POLA1: variants seen among roughly 807,000 people sequenced by gnomAD.
POLA1 encodes the protein DNA polymerase alpha catalytic subunit.
POLA1 carries 15 observed loss-of-function variants against 124.0 expected under a neutral mutation model. That is an observed-to-expected ratio of 0.12 (90% CI 0.08 to 0.19). The LOEUF (loss-of-function observed/expected upper bound fraction) is 0.19. Among genes scored for constraint, POLA1 ranks in the 10% least tolerant of loss-of-function variants. The pLI is 1.00. For missense variants in POLA1, 886 were observed against 1,103.4 expected (o/e 0.80, Z 2.79); for synonymous variants, 408 against 389.4 (o/e 1.05, Z -0.56).
rs187760518 is a variant in POLA1, at chrX:24,840,093, C to T, written c.3737-1559C>T. On this transcript the variant is annotated intron_variant, in intron 32 of 36. Coordinates refer to ENST00000379068, the MANE Select transcript of POLA1 (RefSeq NM_001330360.2). Reference sequence around the variant, plus strand: ...GCCCATGTTAACATAATTTATGTCACTAATGAAGAACAGCTTTTCAAATTG... The same window carrying T: ...GCCCATGTTAACATAATTTATGTCATTAATGAAGAACAGCTTTTCAAATTG... Among the ~76,000 whole-genome samples the T allele has an allele frequency of 2.6e-3, 287 of 112,343 alleles. 1 individual carries two copies. Among genetic ancestry groups the T allele is most frequent in the Middle Eastern group, 0.019 (4 of 216 alleles).
intron 15 of POLA1, among the ~76,000 whole-genome samples, chrX:24,729,436 G>A (rs746869668): frequency 2.7e-5 from 3 of 111,733 alleles, no homozygotes; most frequent in Non-Finnish European, 5.6e-5. Flanking sequence ...CATTTTTGCC[G>A]GAATTAGTTA....
At chrX:24,856,372 AGTTT>A (rs1164927014) in intron 34 of POLA1, among the ~76,000 whole-genome samples, 1 of 111,992 alleles carries the variant, frequency 8.9e-6, no homozygotes, top group Non-Finnish European at 1.9e-5. Context: ...TGGATCTGTC[AGTTT>A]GTTTGATCCA....
intron 2 of POLA1, among the ~76,000 whole-genome samples, chrX:24,702,935 A>G (rs1309042786): frequency 8.9e-6 from 1 of 112,468 alleles, no homozygotes; most frequent in South Asian, 3.7e-4. Context: ...TCCCCAAAGC[A>G]GCTAATGAAG....
chrX:24,932,365 G>A (rs1489167494), intron 36 of POLA1, among the ~76,000 whole-genome samples: 2 of 112,393 alleles, frequency 1.8e-5, no homozygotes, highest in Admixed American at 9.4e-5. Flanking sequence ...TTGGAGGCAT[G>A]TAGAGGAGTG....
chrX:24,934,154 A>T (rs1003602639), intron 36 of POLA1, among the ~76,000 whole-genome samples: 3 of 112,387 alleles, frequency 2.7e-5, no homozygotes, highest in African/African-American at 9.7e-5. Flanking sequence ...GTAAGTGAAC[A>T]GTTCAGGGGA....
chrX:24,944,849 T>A (rs2047943360), intron 36 of POLA1, among the ~76,000 whole-genome samples: 1 of 112,428 alleles, frequency 8.9e-6, no homozygotes, highest in Admixed American at 9.4e-5. Context: ...GTTTGTTGTG[T>A]TCAGGAGTTT....
At position 24,888,141 on chromosome X, in the gene POLA1, T is replaced by A. The variant is rs748743230; in HGVS notation, c.4164+19T>A. 2 of 1,008,623 alleles carry A rather than the reference T, an allele frequency of 2.0e-6. No homozygotes were observed. The highest frequency in any genetic ancestry group is 2.8e-6 in the Non-Finnish European group (2 of 711,069). 83.1% of individuals were successfully genotyped at this position (1,008,623 alleles called of 1,213,427 possible). Reference sequence around the variant, plus strand: ...ACCAGAGGTAACAGTCTCATAATGCTAAAGAACCATGTAGAAGAGGGTAGA... The same window carrying A: ...ACCAGAGGTAACAGTCTCATAATGCAAAAGAACCATGTAGAAGAGGGTAGA... On this transcript the variant is annotated intron_variant, in intron 35 of 36. Transcript: ENST00000379068.
At chrX:24,945,091 G>GA (rs2047945396) in intron 36 of POLA1, among the ~76,000 whole-genome samples, 1 of 111,513 alleles carries the variant, frequency 9.0e-6, no homozygotes, top group Admixed American at 9.5e-5. Context: ...TATAAAACAG[G>GA]AAAAAAATAG....
chrX:24,826,821 TACTC>T (rs2046181401), intron 32 of POLA1, among the ~76,000 whole-genome samples: 1 of 111,814 alleles, frequency 8.9e-6, no homozygotes, highest in Admixed American at 9.5e-5. Context: ...TCATAGTTGA[TACTC>T]ACTGAATACT....
At chrX:24,815,136 C>T in intron 30 of POLA1, 25 bp downstream of exon 30, 1 of 1,179,590 alleles carries the variant, frequency 8.5e-7, no homozygotes, top group South Asian at 1.9e-5. Context: ...TATTGCTGAG[C>T]CCAGCTGCTG....
intron 35 of POLA1, among the ~76,000 whole-genome samples, chrX:24,895,131 A>G (rs779898094): frequency 8.9e-6 from 1 of 111,928 alleles, no homozygotes; most frequent in South Asian, 3.8e-4. Flanking sequence ...GGACTTGAAC[A>G]TATCTTTTTA....
intron 1 of POLA1, among the ~76,000 whole-genome samples, chrX:24,697,576 G>GAA (rs1415321135): frequency 5.4e-5 from 6 of 111,918 alleles, no homozygotes; most frequent in Admixed American, 9.5e-5. Context: ...TAGAAAGCTA[G>GAA]AAAAAAATAA....
Position 24,812,879 on chromosome X carries a change from A to G in POLA1, c.3296+16A>G. On this transcript the variant is annotated intron_variant, in intron 29 of 36. Coordinates refer to ENST00000379068, the MANE Select transcript of POLA1 (RefSeq NM_001330360.2). ...ACACTGGAAAGTGAGTTCAGCTTTCAGTTTTGCTTTTCTTGTTTGTCTTTT... is the reference window on the plus strand; with the variant it reads ...ACACTGGAAAGTGAGTTCAGCTTTCGGTTTTGCTTTTCTTGTTTGTCTTTT... 9.2e-7 allele frequency: 1 copy of G among 1,088,243 alleles called. No individual in the cohort carries two copies. Among genetic ancestry groups the G allele is most frequent in the South Asian group, 1.9e-5 (1 of 51,489 alleles). 89.7% of individuals were successfully genotyped at this position (1,088,243 alleles called of 1,213,427 possible).
Position 24,866,550 on chromosome X carries a change from T to C in POLA1, c.4048-21456T>C, listed in dbSNP as rs113693367. Among the ~76,000 whole-genome samples, 13 of 112,201 alleles carry C rather than the reference T, an allele frequency of 1.2e-4. 1 individual carries two copies. The highest frequency in any genetic ancestry group is 3.8e-4 in the Admixed American group (4 of 10,643). On this transcript the variant is annotated intron_variant, in intron 34 of 36. Coordinates refer to ENST00000379068, the MANE Select transcript of POLA1 (RefSeq NM_001330360.2). ...TCATGCCCATCATGGGGGGAAAAGA[T>C]GGAAAATGTATATGCTGAGCCTATA...
At chrX:24,899,357 TCAA>T (rs1353127170) in intron 35 of POLA1, among the ~76,000 whole-genome samples, 1 of 111,914 alleles carries the variant, frequency 8.9e-6, no homozygotes, top group East Asian at 2.8e-4. Context: ...GGCAATTGTT[TCAA>T]CAACCCCAAA....
At chrX:24,985,462 C>CAGT (rs1184240458) in intron 36 of POLA1, among the ~76,000 whole-genome samples, 5 of 113,049 alleles carry the variant, frequency 4.4e-5, no homozygotes, top group Admixed American at 2.8e-4. Flanking sequence ...CCATTGGAGT[C>CAGT]AGTACCTGGC....
chrX:24,963,835 C>T (rs1452061754), intron 36 of POLA1, among the ~76,000 whole-genome samples: 2 of 111,576 alleles, frequency 1.8e-5, no homozygotes, highest in African/African-American at 6.5e-5. Context: ...ATAAGTTATA[C>T]CTAATTTTTC....
intron 24 of POLA1, among the ~76,000 whole-genome samples, chrX:24,745,961 C>T (rs1002672351): frequency 7.2e-5 from 8 of 111,410 alleles, no homozygotes; most frequent in African/African-American, 2.3e-4. Flanking sequence ...GTACTTTATT[C>T]GTTTGTGTTG....
intron 26 of POLA1, among the ~76,000 whole-genome samples, chrX:24,749,754 G>T (rs1342056864): frequency 1.8e-5 from 2 of 112,230 alleles, no homozygotes; most frequent in African/African-American, 6.5e-5. Flanking sequence ...ATCAAGACAG[G>T]AGTTATGGAT....
Sources: allele counts gnomAD v4.1 joint callset (sites outside exome capture counted in the v4.1 genomes callset), GRCh38; gene constraint gnomAD v4.1.1; transcripts MANE v1.5; gene names NCBI Gene and HGNC (gene_info 2026-07-23, HGNC 2026-07-21).